Variants in HAPLN1 observed in about 807,000 individuals in gnomAD.
HAPLN1 encodes the protein hyaluronan and proteoglycan link protein 1.
HAPLN1 carries 13 observed loss-of-function variants against 36.5 expected under a neutral mutation model. That is an observed-to-expected ratio of 0.36 (90% confidence interval 0.23 to 0.57). HAPLN1 has a LOEUF of 0.57. Ranked by LOEUF, HAPLN1 falls within the 20% of genes least tolerant of loss-of-function variation. HAPLN1 has a pLI of 0.83. For synonymous variants in HAPLN1, 202 were observed against 169.8 expected, an observed-to-expected ratio of 1.19 and a Z score of -1.48; for missense variants, 407 against 439.7, an observed-to-expected ratio of 0.93 and a Z score of 0.66.
chr5:83,656,774 C>T (rs551133047), intron 2 of HAPLN1, among the ~76,000 whole-genome samples: 2 of 152,192 alleles, frequency 1.3e-5, no homozygotes, highest in South Asian at 2.1e-4. Context: ...CTCACTGAAC[C>T]GCTGGGGCCT....
chr5:83,699,267 G>A (rs1751454852), intron 1 of HAPLN1, among the ~76,000 whole-genome samples: 1 of 152,292 alleles, frequency 6.6e-6, no homozygotes, highest in South Asian at 2.1e-4. Context: ...TGTCCAGAAT[G>A]TTTGTTAAAA....
chr5:83,718,336 C>A (rs1039232714), intron 1 of HAPLN1, among the ~76,000 whole-genome samples: 1 of 152,110 alleles, frequency 6.6e-6, no homozygotes, highest in Non-Finnish European at 1.5e-5. Context: ...AAACGTCAAC[C>A]GAGGGAGTCA....
At chr5:83,655,683 T>C (rs1750188946) in intron 2 of HAPLN1, among the ~76,000 whole-genome samples, 1 of 122,270 alleles carries the variant, frequency 8.2e-6, no homozygotes, top group African/African-American at 3.1e-5. Flanking sequence ...TGTTTTTGTT[T>C]GTTTGTTTGC....
At chr5:83,718,452 T>C (rs1189417897) in intron 1 of HAPLN1, among the ~76,000 whole-genome samples, 1 of 152,272 alleles carries the variant, frequency 6.6e-6, no homozygotes, top group Non-Finnish European at 1.5e-5. Context: ...TCCCATTCAG[T>C]GTAAATAAAG....
chr5:83,683,687 C>T (rs924855206), intron 1 of HAPLN1, among the ~76,000 whole-genome samples: 1 of 152,142 alleles, frequency 6.6e-6, no homozygotes, highest in Non-Finnish European at 1.5e-5. Flanking sequence ...ACATTGTGCA[C>T]TTCTTCAAAA....
chr5:83,662,974 C>T (rs1470798210), intron 2 of HAPLN1, among the ~76,000 whole-genome samples: 1 of 152,160 alleles, frequency 6.6e-6, no homozygotes, highest in South Asian at 2.1e-4. Context: ...ATCTAATAAA[C>T]ATGAATCAAC....
intron 1 of HAPLN1, chr5:83,703,392 T>G (rs1279165911): frequency 1.3e-5 from 2 of 152,172 alleles, no homozygotes; most frequent in Non-Finnish European, 2.9e-5. Flanking sequence ...CATTTGAATG[T>G]TTTTTTGTAG....
intron 1 of HAPLN1, among the ~76,000 whole-genome samples, chr5:83,701,642 G>T (rs1317377135): frequency 6.6e-6 from 1 of 152,150 alleles, no homozygotes; most frequent in Non-Finnish European, 1.5e-5. Context: ...TTCAACACAT[G>T]AAAAAGTATA....
chr5:83,711,164 G>A (rs1003858633), intron 1 of HAPLN1, among the ~76,000 whole-genome samples: 1 of 152,120 alleles, frequency 6.6e-6, no homozygotes, highest in Non-Finnish European at 1.5e-5. Context: ...TGGGGGTACA[G>A]ACCAGAGGCT....
intron 1 of HAPLN1, among the ~76,000 whole-genome samples, chr5:83,712,175 CAA>C (rs1751800763): frequency 6.6e-6 from 1 of 152,066 alleles, no homozygotes; most frequent in Non-Finnish European, 1.5e-5. Context: ...GGTAATACCT[CAA>C]AGTGTCACAA....
chr5:83,702,679 T>G (rs1486114808), intron 1 of HAPLN1, among the ~76,000 whole-genome samples: 2 of 152,198 alleles, frequency 1.3e-5, no homozygotes, highest in Non-Finnish European at 2.9e-5. Context: ...TACTCGTTAG[T>G]CTGTCTAGTG....
At chr5:83,668,835 C>A (rs1020078213) in intron 2 of HAPLN1, among the ~76,000 whole-genome samples, 1 of 152,076 alleles carries the variant, frequency 6.6e-6, no homozygotes, top group African/African-American at 2.4e-5. Flanking sequence ...GAGGACTGAA[C>A]CAGATTTGAA....
chr5:83,641,924 G>T, intron 4 of HAPLN1, 139 bp from the exon 5 acceptor site: 2 of 860,804 alleles, frequency 2.3e-6, no homozygotes, highest in Non-Finnish European at 3.6e-6. Flanking sequence ...ACATAGAAAT[G>T]TCAATTAAAT....
At chr5:83,709,517 A>G (rs1751728513) in intron 1 of HAPLN1, among the ~76,000 whole-genome samples, 1 of 150,222 alleles carries the variant, frequency 6.7e-6, no homozygotes, top group Non-Finnish European at 1.5e-5. Flanking sequence ...TTTTTATTTT[A>G]GATTCAGGGA....
At chr5:83,681,964 G>A (rs940177566) in intron 1 of HAPLN1, among the ~76,000 whole-genome samples, 1 of 152,114 alleles carries the variant, frequency 6.6e-6, no homozygotes, top group Admixed American at 6.6e-5. Context: ...TTTGAAACAA[G>A]AGTTTTTAAA....
At chr5:83,720,049 G>T (rs1051495545) in intron 1 of HAPLN1, among the ~76,000 whole-genome samples, 2 of 152,182 alleles carry the variant, frequency 1.3e-5, no homozygotes, top group African/African-American at 4.8e-5. Context: ...ACATTCAATG[G>T]AAGAAAACTA....
At chr5:83,705,108 G>A (rs573527066) in intron 1 of HAPLN1, among the ~76,000 whole-genome samples, 1 of 152,158 alleles carries the variant, frequency 6.6e-6, no homozygotes, top group African/African-American at 2.4e-5. Flanking sequence ...AAAATTGCTT[G>A]GCCAGGCGCA....
In HAPLN1 at chr5:83,667,292, A is replaced by C. The variant is rs147906553; in HGVS notation, c.100+6132T>G. Among the ~76,000 whole-genome samples, 64 of 152,238 alleles carry C rather than the reference A, an allele frequency of 4.2e-4. No homozygotes were observed. In the East Asian group the frequency reaches 0.011, roughly 27 times the overall value. On this transcript the variant is annotated intron_variant, in intron 2 of 4. Transcript: ENST00000274341. The stretch of plus-strand genomic sequence containing the variant: ...CCAAGTTTGATCAAATGGCAAGCCT[A>C]TGTTTAATGCTGTGTGTTCTTATTT...
intron 1 of HAPLN1, among the ~76,000 whole-genome samples, chr5:83,717,748 A>G (rs909562475): frequency 3.3e-5 from 5 of 152,224 alleles, no homozygotes; most frequent in African/African-American, 7.2e-5. Context: ...CTATTAGATC[A>G]ACTTCATGGA....
Sources: gnomAD v4.1 joint callset for allele counts (sites outside exome capture counted in the v4.1 genomes callset) on GRCh38, gnomAD v4.1.1 for gene constraint, MANE v1.5 for transcripts, NCBI Gene and HGNC (gene_info 2026-07-23, HGNC 2026-07-21) for gene names.